Variants in ROBO1 observed in about 807,000 individuals in gnomAD.
The protein encoded by ROBO1 is roundabout guidance receptor 1.
A neutral mutation model predicts 195.9 loss-of-function variants in ROBO1; 149 were observed. The ratio of observed to expected loss-of-function variants is 0.76; its 90% CI spans 0.67 to 0.87. The LOEUF (loss-of-function observed/expected upper bound fraction) is 0.87. ROBO1 is among the 40% of genes least tolerant of loss of function. The pLI is 0.00. For missense variants in ROBO1, 1,933 were observed against 2,068.3 expected (o/e 0.93, Z 1.27); for synonymous variants, 816 against 733.2 (o/e 1.11, Z -1.82).
At chr3:79,098,298 C>T (rs919669135) in intron 3 of ROBO1, among the ~76,000 whole-genome samples, 1 of 151,688 alleles carries the variant, frequency 6.6e-6, no homozygotes, top group African/African-American at 2.4e-5. Flanking sequence ...GACAGTAATC[C>T]TCATGCAGAA....
intron 19 of ROBO1, among the ~76,000 whole-genome samples, chr3:78,649,179 A>G (rs895468119): frequency 1.3e-5 from 2 of 152,112 alleles, no homozygotes; most frequent in African/African-American, 4.8e-5. Flanking sequence ...TCAAGCAAGA[A>G]TGGAGTGCCT....
chr3:79,614,726 G>A (rs187129683), intron 1 of ROBO1, among the ~76,000 whole-genome samples: 6 of 152,018 alleles, frequency 3.9e-5, no homozygotes, highest in Admixed American at 6.6e-5. Context: ...ATATTTGCCA[G>A]TTCCATTGAT....
At chr3:78,931,236 C>CTTTTTTTTTTTTTTTTTTTTT (rs71127369) in intron 4 of ROBO1, among the ~76,000 whole-genome samples, 81 of 79,224 alleles carry the variant, frequency 1.0e-3, no homozygotes, top group Non-Finnish European at 1.4e-3. Context: ...TTCTTTCTTT[C>CTTTTTTTTTTTTTTTTTTTTT]TTTTTTTTTT....
intron 2 of ROBO1, among the ~76,000 whole-genome samples, chr3:79,418,504 C>T (rs1397263431): frequency 6.6e-6 from 1 of 152,154 alleles, no homozygotes; most frequent in Non-Finnish European, 1.5e-5. Context: ...TTCCACCATT[C>T]AGTAGAACAG....
intron 3 of ROBO1, among the ~76,000 whole-genome samples, chr3:78,987,967 TAATA>T (rs977483715): frequency 6.6e-5 from 10 of 152,120 alleles, no homozygotes; most frequent in African/African-American, 1.4e-4. Context: ...CAAATATAAA[TAATA>T]AATAATTGAT....
At chr3:79,339,328 C>T (rs984041568) in intron 2 of ROBO1, among the ~76,000 whole-genome samples, 5 of 152,104 alleles carry the variant, frequency 3.3e-5, no homozygotes, top group African/African-American at 1.2e-4. Context: ...ACCGTAAGAG[C>T]CTGCTTGATC....
At chr3:78,976,420 TG>T (rs1411544303) in intron 3 of ROBO1, among the ~76,000 whole-genome samples, 1 of 152,182 alleles carries the variant, frequency 6.6e-6, no homozygotes, top group African/African-American at 2.4e-5. Context: ...GGTGAGTCTT[TG>T]CGCTTATCAG....
intron 2 of ROBO1, among the ~76,000 whole-genome samples, chr3:79,469,734 G>T (rs980185129): frequency 1.4e-4 from 21 of 151,978 alleles, no homozygotes; most frequent in African/African-American, 5.1e-4. Flanking sequence ...AATAAATGTT[G>T]GTAATATGTA....
At chr3:79,312,879 A>C (rs1313221350) in intron 2 of ROBO1, among the ~76,000 whole-genome samples, 2 of 152,232 alleles carry the variant, frequency 1.3e-5, no homozygotes, top group African/African-American at 4.8e-5. Context: ...AAATATTAAA[A>C]TAAATGTATA....
intron 3 of ROBO1, among the ~76,000 whole-genome samples, chr3:79,061,825 C>T (rs922419540): frequency 2.0e-5 from 3 of 151,904 alleles, no homozygotes; most frequent in Non-Finnish European, 4.4e-5. Flanking sequence ...GGATCCCTTC[C>T]TTACACCTTA....
At chr3:79,534,879 G>C (rs541049778) in intron 2 of ROBO1, among the ~76,000 whole-genome samples, 6 of 152,248 alleles carry the variant, frequency 3.9e-5, no homozygotes, top group Non-Finnish European at 7.4e-5. Context: ...CCCTGCGTTT[G>C]ACTTCTTGGG....
chr3:79,154,709 G>GA (rs1203642310), intron 2 of ROBO1, among the ~76,000 whole-genome samples: 8 of 150,638 alleles, frequency 5.3e-5, no homozygotes, highest in Admixed American at 1.3e-4. Flanking sequence ...TGTAAAAAAT[G>GA]AAAAAAAAGG....
At chr3:78,836,706 A>T (rs1410077172) in intron 4 of ROBO1, among the ~76,000 whole-genome samples, 1 of 152,118 alleles carries the variant, frequency 6.6e-6, no homozygotes, top group Non-Finnish European at 1.5e-5. Context: ...GACCTGTATG[A>T]TAATAAAGAA....
At chr3:79,276,055 A>G (rs2031008146) in intron 2 of ROBO1, among the ~76,000 whole-genome samples, 1 of 152,022 alleles carries the variant, frequency 6.6e-6, no homozygotes, top group African/African-American at 2.4e-5. Context: ...TCCCCAAACC[A>G]ATCTACAGAT....
intron 5 of ROBO1, among the ~76,000 whole-genome samples, chr3:78,725,297 G>A (rs984683722): frequency 4.6e-5 from 7 of 152,150 alleles, no homozygotes; most frequent in Non-Finnish European, 8.8e-5. Context: ...ACAGAGAGGA[G>A]AGAGGAAAAG....
intron 4 of ROBO1, among the ~76,000 whole-genome samples, chr3:78,920,317 T>G (rs1165320991): frequency 9.9e-5 from 15 of 152,110 alleles, no homozygotes; most frequent in Admixed American, 9.8e-4. Flanking sequence ...TTTTTTTCTT[T>G]TTTTTGAGAT....
intron 12 of ROBO1, 78 bp downstream of exon 12, chr3:78,668,406 T>C: frequency 6.3e-7 from 1 of 1,589,150 alleles, no homozygotes; most frequent in Non-Finnish European, 8.6e-7. Context: ...GAAGAGGACA[T>C]TTACTTCATC....
intron 3 of ROBO1, among the ~76,000 whole-genome samples, chr3:78,983,590 G>A (rs1198253430): frequency 2.0e-5 from 3 of 152,086 alleles, no homozygotes; most frequent in African/African-American, 4.8e-5. Flanking sequence ...AACTAATAAC[G>A]TAATCTCTAT....
intron 2 of ROBO1, among the ~76,000 whole-genome samples, chr3:79,553,227 C>G (rs142203978): frequency 9.9e-5 from 15 of 152,084 alleles, no homozygotes; most frequent in African/African-American, 3.4e-4. Context: ...TGAACAAACT[C>G]TAATTGTGCT....
Sources: gnomAD v4.1 joint callset for allele counts (sites outside exome capture counted in the v4.1 genomes callset) on GRCh38, gnomAD v4.1.1 for gene constraint, MANE v1.5 for transcripts, NCBI Gene and HGNC (gene_info 2026-07-23, HGNC 2026-07-21) for gene names.